The following S100PBP variants were observed in gnomAD, a reference collection of about 807,000 sequenced individuals.
S100PBP encodes S100P-binding protein.
In S100PBP, 15 loss-of-function variants were observed where a neutral mutation model predicts 39.9. That is an observed-to-expected ratio of 0.38 (90% confidence interval 0.25 to 0.58). The LOEUF is 0.58. S100PBP is among the 20% of genes least tolerant of loss of function. The pLI is 0.70. For synonymous variants in S100PBP, 178 were observed against 180.3 expected (o/e 0.99, Z 0.10); for missense variants, 504 against 487.3 (o/e 1.03, Z -0.32).
At position 32,840,599 on chromosome 1, in the gene S100PBP, C is replaced by T. The variant is rs532045222; in HGVS notation, c.1024+10532C>T. On this transcript the variant is annotated intron_variant, in intron 5 of 6. Coordinates refer to ENST00000373475, the MANE Select transcript of S100PBP (RefSeq NM_022753.4). ...TTCGAACTCCTGACCTCAGGTGATCCGCCTGCCTCGGCCTCCCAAAGTGCT... is the reference window on the plus strand; with the variant it reads ...TTCGAACTCCTGACCTCAGGTGATCTGCCTGCCTCGGCCTCCCAAAGTGCT... 2.6e-5 allele frequency among the ~76,000 whole-genome samples: 4 copies of T among 151,826 alleles called. No individual in the cohort carries two copies. In the East Asian group the frequency reaches 5.9e-4, roughly 22 times the overall value.
intron 5 of S100PBP, among the ~76,000 whole-genome samples, chr1:32,842,058 A>G (rs895347000): frequency 6.6e-6 from 1 of 150,758 alleles, no homozygotes; most frequent in African/African-American, 2.4e-5. Context: ...GCATGGTGAC[A>G]TACACCTGTA....
intron 5 of S100PBP, among the ~76,000 whole-genome samples, chr1:32,850,710 T>C (rs1399915864): frequency 1.3e-5 from 2 of 152,248 alleles, no homozygotes; most frequent in African/African-American, 4.8e-5. Flanking sequence ...GTTTCAAATA[T>C]ATTTTTCATT....
At chr1:32,833,425 G>A (rs1278679138) in intron 5 of S100PBP, among the ~76,000 whole-genome samples, 8 of 149,920 alleles carry the variant, frequency 5.3e-5, no homozygotes, top group African/African-American at 1.7e-4. Context: ...GCAGTGGCGC[G>A]ATCTCGGCTC....
At chr1:32,849,308 G>C (rs1640515184) in intron 5 of S100PBP, among the ~76,000 whole-genome samples, 1 of 151,980 alleles carries the variant, frequency 6.6e-6, no homozygotes, top group South Asian at 2.1e-4. Flanking sequence ...ACCACACCCG[G>C]GTACTTTTTG....
At chr1:32,834,943 C>T (rs374780819) in intron 5 of S100PBP, 3 of 152,124 alleles carry the variant, frequency 2.0e-5, no homozygotes, top group African/African-American at 7.2e-5. Flanking sequence ...GAGTTCAAGA[C>T]CAGCCTGACT....
At chr1:32,843,885 G>A (rs141739159) in intron 5 of S100PBP, among the ~76,000 whole-genome samples, 101 of 151,928 alleles carry the variant, frequency 6.6e-4, no homozygotes, top group Admixed American at 4.3e-3. Flanking sequence ...ACCATGCCCG[G>A]CTGAGATCTT....
rs144896756 is a variant in S100PBP, at chr1:32,845,927, C to T, written c.1025-7152C>T. The stretch of plus-strand genomic sequence containing the variant: ...CTCCTGGGCTCAAGTGATCTATCCA[C>T]CTCGGCCTCCCAAAGTGCTAGGATT... On this transcript the variant is annotated intron_variant, in intron 5 of 6. Transcript: ENST00000373475. Among the ~76,000 whole-genome samples the T allele has an allele frequency of 5.5e-3, 828 of 149,448 alleles. 6 individuals are homozygous for T. Among genetic ancestry groups the T allele is most frequent in the Non-Finnish European group, 7.0e-3 (470 of 67,078 alleles).
At chr1:32,825,967 AAAT>A (rs1389413009) in intron 2 of S100PBP, 128 bp from the exon 3 acceptor site, 2 of 649,666 alleles carry the variant, frequency 3.1e-6, no homozygotes, top group African/African-American at 3.6e-5. Flanking sequence ...AAATATCTTA[AAAT>A]TATTTCTTAT....
At chr1:32,821,322 T>C (rs1441381026) in intron 1 of S100PBP, among the ~76,000 whole-genome samples, 1 of 152,078 alleles carries the variant, frequency 6.6e-6, no homozygotes, top group Non-Finnish European at 1.5e-5. Context: ...TATTGTGGCT[T>C]TTTTGTTGTT....
At chr1:32,841,592 A>T (rs6679394) in intron 5 of S100PBP, among the ~76,000 whole-genome samples, 19,826 of 151,550 alleles carry the variant, frequency 0.13, 1,422 homozygotes, top group Middle Eastern at 0.26. Context: ...AGCTGGGCGT[A>T]GTGGCGCATG....
Position 32,828,057 on chromosome 1 carries a change from T to C in S100PBP, c.896T>C (p.Ile299Thr). Reference protein sequence around the residue: ...KGHERRLGKVIPVLQTKTRTN... With the variant: ...KGHERRLGKVTPVLQTKTRTN... Reference sequence around the variant, plus strand: ...CATGAGAGAAGACTAGGCAAAGTCATTCCTGTTCTACAAACTAAGACCAGG... The same window carrying C: ...CATGAGAGAAGACTAGGCAAAGTCACTCCTGTTCTACAAACTAAGACCAGG... The change falls in exon 4 of 7, where the codon ATT (isoleucine) becomes ACT (threonine). Residue 299 changes from isoleucine (I) to threonine (T), a missense_variant. Physicochemically the swap from Ile to Thr is moderately conservative, Grantham distance 89. Coordinates refer to ENST00000373475, the MANE Select transcript of S100PBP (RefSeq NM_022753.4). The C allele has an allele frequency of 6.2e-7, 1 of 1,607,198 alleles. No homozygotes were observed. Among genetic ancestry groups the C allele is most frequent in the Non-Finnish European group, 8.5e-7 (1 of 1,174,024 alleles).
At chr1:32,844,807 ATATATATCTC>A (rs1464810746) in intron 5 of S100PBP, among the ~76,000 whole-genome samples, 2 of 151,420 alleles carry the variant, frequency 1.3e-5, no homozygotes, top group Non-Finnish European at 2.9e-5. Flanking sequence ...CTATAGAGAG[ATATATATCTC>A]TATATATCTA....
intron 1 of S100PBP, among the ~76,000 whole-genome samples, chr1:32,821,586 C>T (rs943914259): frequency 1.2e-4 from 18 of 151,058 alleles, no homozygotes; most frequent in African/African-American, 3.6e-4. Context: ...TCCCAAAGTG[C>T]TAGGATTACA....
intron 5 of S100PBP, among the ~76,000 whole-genome samples, chr1:32,849,651 T>G (rs1480003349): frequency 6.6e-6 from 1 of 152,206 alleles, no homozygotes; most frequent in Non-Finnish European, 1.5e-5. Flanking sequence ...AAATTAAAAT[T>G]TTTTGGTACA....
intron 1 of S100PBP, among the ~76,000 whole-genome samples, chr1:32,824,530 C>T (rs535579143): frequency 6.8e-4 from 103 of 151,126 alleles, no homozygotes; most frequent in Non-Finnish European, 1.1e-3. Context: ...ATGGTCCCTG[C>T]GAGTTATAAT....
In S100PBP at chr1:32,826,699, C is replaced by G. The variant is rs759826259; in HGVS notation, c.600C>G (p.Ile200Met). 7.4e-6 allele frequency: 12 copies of G among 1,613,990 alleles called. No individual in the cohort carries two copies. The highest frequency in any genetic ancestry group is 1.7e-5 in the Admixed American group (1 of 59,996). ...AACTTTGTACTGAATCTGAAGGGAT[C>G]AGCCCCAATAACTCTGCCTGGAATG... ...ESKLCTESEG[I>M]SPNNSAWNGP... Residue 200 changes from isoleucine (I) to methionine (M), a missense_variant, in exon 3 of 7, where the codon ATC becomes ATG. Transcript: ENST00000373475.
chr1:32,817,424 C>G (rs148157582), upstream of S100PBP: 11 of 719,222 alleles, frequency 1.5e-5, no homozygotes, highest in Non-Finnish European at 2.6e-5. Flanking sequence ...TGAGGAGCAG[C>G]AGAGAGTCGA....
chr1:32,826,462 A>G lies in S100PBP; in HGVS notation c.363A>G (p.Thr121=). ...TCTTCAAACTACCTCAGCTAAGTAC[A>G]TCAAGTGGTCATGGACCAGCTCATA... The part of the protein sequence containing the change: ...PDLFKLPQLS[T]SSGHGPAHTK... Residue 121 remains threonine (T), a synonymous_variant, in exon 3 of 7, where the codon ACA becomes ACG. Coordinates refer to ENST00000373475, the MANE Select transcript of S100PBP (RefSeq NM_022753.4). 4 of 1,614,190 alleles carry G rather than the reference A, an allele frequency of 2.5e-6. No homozygotes were observed. Among genetic ancestry groups the G allele is most frequent in the Non-Finnish European group, 3.4e-6 (4 of 1,180,032 alleles).
At chr1:32,847,034 C>T (rs1640412664) in intron 5 of S100PBP, among the ~76,000 whole-genome samples, 1 of 152,090 alleles carries the variant, frequency 6.6e-6, no homozygotes, top group Non-Finnish European at 1.5e-5. Context: ...CCCACCTTGG[C>T]CTCCCAAAGT....
Sources: allele counts gnomAD v4.1 joint callset (sites outside exome capture counted in the v4.1 genomes callset), GRCh38; gene constraint gnomAD v4.1.1; transcripts MANE v1.5; gene names NCBI Gene and HGNC (gene_info 2026-07-23, HGNC 2026-07-21).